Variants in LRP1B observed in about 807,000 individuals in gnomAD.
LRP1B encodes low-density lipoprotein receptor-related protein 1B.
In LRP1B, 217 loss-of-function variants were observed where a neutral mutation model predicts 556.6. The observed-to-expected ratio is 0.39, with a 90% CI of 0.35 to 0.44. LRP1B has a LOEUF of 0.44. Ranked by LOEUF, LRP1B falls within the 20% of genes least tolerant of loss-of-function variation. LRP1B has a pLI of 1.00. For synonymous variants in LRP1B, 2,047 were observed against 1,865.8 expected (o/e 1.10, Z -2.50); for missense variants, 5,053 against 5,620.8 (o/e 0.90, Z 3.23).
chr2:141,410,252 T>A (rs1690803091), intron 3 of LRP1B, among the ~76,000 whole-genome samples: 1 of 152,046 alleles, frequency 6.6e-6, no homozygotes, highest in African/African-American at 2.4e-5. Context: ...TAGGGCACAA[T>A]CCTATAGAAA....
intron 57 of LRP1B, among the ~76,000 whole-genome samples, chr2:140,489,907 A>C (rs1688629395): frequency 6.6e-6 from 1 of 152,112 alleles, no homozygotes; most frequent in African/African-American, 2.4e-5. Context: ...TAATAAATTA[A>C]AGCTGCAAAT....
At chr2:141,810,202 A>T (rs1696313837) in intron 2 of LRP1B, 77 bp downstream of exon 2, 5 of 1,329,550 alleles carry the variant, frequency 3.8e-6, no homozygotes, top group Non-Finnish European at 5.3e-6. Context: ...CTAGAACAGC[A>T]GTCATCTGTG....
chr2:140,921,349 A>G (rs1694731632), intron 21 of LRP1B, among the ~76,000 whole-genome samples: 1 of 151,906 alleles, frequency 6.6e-6, no homozygotes, highest in Admixed American at 6.6e-5. Flanking sequence ...TTTCTTTTTC[A>G]TATATGTTTT....
Position 140,748,792 on chromosome 2 carries a change from TTATA to T in LRP1B, c.5758+20417_5758+20420del, listed in dbSNP as rs1276509747. 4.1e-5 allele frequency among the ~76,000 whole-genome samples: 2 copies of T among 48,644 alleles called. 1 individual carries two copies. The allele number at this position is 48,644 out of a possible 152,430, so 31.9% of individuals were successfully genotyped here. On this transcript the variant is annotated intron_variant, in intron 35 of 90. Coordinates refer to ENST00000389484, the MANE Select transcript of LRP1B (RefSeq NM_018557.3). ...GTATATAATATGTATATAATATATA[TTATA>T]TACATATTATATACATGTATATAAT... is the stretch of plus-strand genomic sequence containing the variant.
chr2:140,705,016 T>C (rs1054055538), intron 37 of LRP1B, among the ~76,000 whole-genome samples: 4 of 152,084 alleles, frequency 2.6e-5, no homozygotes, highest in Non-Finnish European at 4.4e-5. Flanking sequence ...ATGGTAATTA[T>C]GACTAGGAAG....
At chr2:141,715,551 A>G (rs889567034) in intron 2 of LRP1B, among the ~76,000 whole-genome samples, 1 of 152,130 alleles carries the variant, frequency 6.6e-6, no homozygotes, top group Non-Finnish European at 1.5e-5. Flanking sequence ...GTGGTGGCTC[A>G]CACCTGTAAT....
chr2:141,538,525 A>G (rs1444503990), intron 2 of LRP1B, among the ~76,000 whole-genome samples: 1 of 152,186 alleles, frequency 6.6e-6, no homozygotes, highest in South Asian at 2.1e-4. Flanking sequence ...AATATGGTTC[A>G]TTTTAAACCC....
chr2:140,697,252 T>C (rs925874026), intron 41 of LRP1B, among the ~76,000 whole-genome samples: 13 of 152,152 alleles, frequency 8.5e-5, no homozygotes, highest in Admixed American at 7.9e-4. Context: ...CAGTTTAATT[T>C]ACTACGGTTG....
intron 3 of LRP1B, among the ~76,000 whole-genome samples, chr2:141,417,829 C>T (rs2104957103): frequency 6.7e-6 from 1 of 149,760 alleles, no homozygotes; most frequent in South Asian, 2.1e-4. Context: ...ACATATCTAC[C>T]AACAGCACAC....
intron 59 of LRP1B, among the ~76,000 whole-genome samples, chr2:140,482,027 C>T (rs1688267097): frequency 6.6e-6 from 1 of 152,230 alleles, no homozygotes; most frequent in South Asian, 2.1e-4. Flanking sequence ...TCTCTGATCC[C>T]AGTTGAGACA....
At chr2:140,420,496 T>G (rs914437971) in intron 66 of LRP1B, among the ~76,000 whole-genome samples, 1 of 152,236 alleles carries the variant, frequency 6.6e-6, no homozygotes, top group Non-Finnish European at 1.5e-5. Flanking sequence ...AAAATATACT[T>G]ACTATGTAAT....
At position 140,234,775 on chromosome 2, in the gene LRP1B, T is replaced by A. The variant is rs763207438; in HGVS notation, c.13659+11A>T. ...GAAACGGACATGAAATAACGAATAT[T>A]CTTCTCTCACCCCAGCAGTTAGTGG... On this transcript the variant is annotated intron_variant, in intron 90 of 90. Coordinates refer to ENST00000389484, the MANE Select transcript of LRP1B (RefSeq NM_018557.3). 1 of 772,460 alleles carries A rather than the reference T, an allele frequency of 1.3e-6. No individual in the cohort carries two copies. The highest frequency in any genetic ancestry group is 2.4e-6 in the Non-Finnish European group (1 of 413,400). The allele number at this position is 772,460 out of a possible 1,614,324, so 47.9% of individuals were successfully genotyped here. A position where few individuals can be genotyped will look rare whatever the true frequency, so the allele number is the denominator to read the frequency against.
At position 140,421,421 on chromosome 2, in the gene LRP1B, G is replaced by C. The variant is rs537003633; in HGVS notation, c.10414+21083C>G. On this transcript the variant is annotated intron_variant, in intron 66 of 90. Transcript: ENST00000389484. ...CGGAAGATTTATACTGGTCACTAAT[G>C]TCCTTTAACACTAATTATTATACTG... Among the ~76,000 whole-genome samples the C allele has an allele frequency of 2.0e-5, 3 of 152,190 alleles. No homozygotes were observed. In the East Asian group the frequency reaches 5.8e-4, roughly 29 times the overall value.
chr2:141,907,226 T>A (rs1002534404), intron 1 of LRP1B, among the ~76,000 whole-genome samples: 1 of 152,008 alleles, frequency 6.6e-6, no homozygotes, highest in Non-Finnish European at 1.5e-5. Context: ...TGAATTTATG[T>A]ATTCAAAATA....
Position 140,506,660 on chromosome 2 carries a change from T to TCA in LRP1B, c.8521+135_8521+136insTG, listed in dbSNP as rs1176380584. On this transcript the variant is annotated intron_variant, in intron 53 of 90. Coordinates refer to ENST00000389484, the MANE Select transcript of LRP1B (RefSeq NM_018557.3). The stretch of plus-strand genomic sequence containing the variant: ...TTAAATAAGTTATATGTGCTGTGAT[T>TCA]GTGTATTACTGAATTCACTGGGTGT... 76 of 780,920 alleles carry TCA rather than the reference T, an allele frequency of 9.7e-5. No individual in the cohort carries two copies. In the African/African-American group the frequency reaches 1.3e-3, roughly 13 times the overall value. 48.4% of individuals were successfully genotyped at this position (780,920 alleles called of 1,614,324 possible).
At chr2:141,403,983 CTCTTTGGCATTCT>C (rs1690538118) in intron 3 of LRP1B, among the ~76,000 whole-genome samples, 1 of 152,170 alleles carries the variant, frequency 6.6e-6, no homozygotes. Flanking sequence ...GGCATTCTTT[CTCTTTGGCATTCT>C]TCTTTCTGGA....
chr2:140,532,949 C>CTATATCTATATCTAT (rs1343861885), intron 47 of LRP1B, among the ~76,000 whole-genome samples: 2 of 43,472 alleles, frequency 4.6e-5, no homozygotes, highest in East Asian at 1.0e-3. Context: ...TATATATATA[C>CTATATCTATATCTAT]ACATATATAT....
chr2:141,071,027 C>T (rs906708817), intron 7 of LRP1B, among the ~76,000 whole-genome samples: 1 of 152,082 alleles, frequency 6.6e-6, no homozygotes, highest in African/African-American at 2.4e-5. Flanking sequence ...CGTCCTGATA[C>T]CAAAGCCGGG....
intron 6 of LRP1B, among the ~76,000 whole-genome samples, chr2:141,213,439 A>C (rs1682653479): frequency 6.6e-6 from 1 of 152,126 alleles, no homozygotes; most frequent in Admixed American, 6.5e-5. Context: ...CCACCATTTC[A>C]TCACAAGATG....
Sources: allele counts gnomAD v4.1 joint callset (sites outside exome capture counted in the v4.1 genomes callset), GRCh38; gene constraint gnomAD v4.1.1; transcripts MANE v1.5; gene names NCBI Gene and HGNC (gene_info 2026-07-23, HGNC 2026-07-21).